The following PABPC4L variants were observed in gnomAD, a reference collection of about 807,000 sequenced individuals.
PABPC4L encodes polyadenylate-binding protein 4-like.
For synonymous variants in PABPC4L, 169 were observed against 164.1 expected, an observed-to-expected ratio of 1.03 and a Z score of -0.23; for missense variants, 452 against 451.4, an observed-to-expected ratio of 1.00 and a Z score of -0.01.
chr4:134,045,721 A>T, the PABPC4L span, among the ~76,000 whole-genome samples: 1 of 151,948 alleles, frequency 6.6e-6, no homozygotes, highest in African/African-American at 2.4e-5. Flanking sequence ...ACTTACTACT[A>T]TCCTCTGTCC....
chr4:134,114,687 C>A, the PABPC4L span, among the ~76,000 whole-genome samples: 2 of 151,710 alleles, frequency 1.3e-5, no homozygotes, highest in African/African-American at 4.8e-5. Context: ...TGGGTTTGGA[C>A]GGGTGAATGT....
chr4:134,040,599 A>G, the PABPC4L span, among the ~76,000 whole-genome samples: 1 of 152,070 alleles, frequency 6.6e-6, no homozygotes, highest in African/African-American at 2.4e-5. Context: ...AAACTTATAC[A>G]TAAGATCTAA....
At chr4:134,121,033 A>G in the PABPC4L span, among the ~76,000 whole-genome samples, 106 of 150,692 alleles carry the variant, frequency 7.0e-4, 4 homozygotes, top group East Asian at 0.018. Context: ...TAATTCTGTA[A>G]ATTTTCTACA....
At chr4:134,170,543 T>G in the PABPC4L span, among the ~76,000 whole-genome samples, 1 of 151,966 alleles carries the variant, frequency 6.6e-6, no homozygotes, top group African/African-American at 2.4e-5. Flanking sequence ...CTCAGGAAAT[T>G]TAAAATCATA....
the PABPC4L span, among the ~76,000 whole-genome samples, chr4:134,012,316 A>G: frequency 6.6e-6 from 1 of 152,106 alleles, no homozygotes; most frequent in South Asian, 2.1e-4. Context: ...CCACCACAAA[A>G]GAAGTGAAAA....
chr4:134,045,471 A>T, the PABPC4L span, among the ~76,000 whole-genome samples: 8 of 152,202 alleles, frequency 5.3e-5, no homozygotes, highest in Non-Finnish European at 8.8e-5. Flanking sequence ...TAAAAGTATG[A>T]GAACTGAAGT....
At chr4:134,076,868 A>C in the PABPC4L span, among the ~76,000 whole-genome samples, 1 of 152,150 alleles carries the variant, frequency 6.6e-6, no homozygotes, top group Non-Finnish European at 1.5e-5. Flanking sequence ...TACATTTTGA[A>C]AGCATGATGT....
At chr4:134,131,466 A>T in the PABPC4L span, among the ~76,000 whole-genome samples, 1 of 152,024 alleles carries the variant, frequency 6.6e-6, no homozygotes, top group African/African-American at 2.4e-5. Flanking sequence ...AAATTAAAAT[A>T]AAATACTTAG....
the PABPC4L span, among the ~76,000 whole-genome samples, chr4:133,960,063 G>A: frequency 2.6e-5 from 4 of 152,110 alleles, no homozygotes; most frequent in South Asian, 2.1e-4. Context: ...CATTGAGGAC[G>A]GGAGGCAGAA....
At chr4:133,955,154 T>C in the PABPC4L span, among the ~76,000 whole-genome samples, 1 of 152,112 alleles carries the variant, frequency 6.6e-6, no homozygotes, top group African/African-American at 2.4e-5. Context: ...TTATGGAACA[T>C]TGTGAAAAAT....
At chr4:133,970,478 T>C in the PABPC4L span, among the ~76,000 whole-genome samples, 1 of 152,172 alleles carries the variant, frequency 6.6e-6, no homozygotes, top group Admixed American at 6.5e-5. Context: ...CAAACTGCCA[T>C]GTTGAAAATT....
chr4:134,140,966 T>G, the PABPC4L span, among the ~76,000 whole-genome samples: 1 of 151,780 alleles, frequency 6.6e-6, no homozygotes, highest in Non-Finnish European at 1.5e-5. Context: ...CTTGATTCTA[T>G]CATAAGTATT....
the PABPC4L span, among the ~76,000 whole-genome samples, chr4:133,986,465 C>T: frequency 1.3e-5 from 2 of 151,430 alleles, no homozygotes; most frequent in Non-Finnish European, 2.9e-5. Context: ...ATTTTTTTCC[C>T]TATTCAGGAC....
the PABPC4L span, among the ~76,000 whole-genome samples, chr4:134,011,416 A>G: frequency 3.1e-4 from 47 of 152,180 alleles, no homozygotes; most frequent in Non-Finnish European, 4.4e-5. Context: ...TATATTCTTG[A>G]AACATTTTGT....
the PABPC4L span, among the ~76,000 whole-genome samples, chr4:134,129,411 A>G: frequency 2.6e-5 from 4 of 152,028 alleles, no homozygotes; most frequent in Non-Finnish European, 5.9e-5. Flanking sequence ...TCCAAGATAG[A>G]CCATATAATA....
At chr4:134,174,590 C>T in the PABPC4L span, among the ~76,000 whole-genome samples, 3 of 152,220 alleles carry the variant, frequency 2.0e-5, no homozygotes, top group East Asian at 5.8e-4. Flanking sequence ...TGTGATATAA[C>T]ACTGATCAAA....
the PABPC4L span, among the ~76,000 whole-genome samples, chr4:134,029,549 T>C: frequency 6.6e-6 from 1 of 152,100 alleles, no homozygotes; most frequent in Admixed American, 6.6e-5. Flanking sequence ...TTAGTAAACA[T>C]TGCTGTTTGC....
chr4:133,957,006 A>G, the PABPC4L span, among the ~76,000 whole-genome samples: 1 of 152,142 alleles, frequency 6.6e-6, no homozygotes, highest in Non-Finnish European at 1.5e-5. Flanking sequence ...GGACACAATC[A>G]AACCATATCA....
chr4:134,194,907 G>C (rs2126195867), downstream of PABPC4L, among the ~76,000 whole-genome samples: 1 of 151,834 alleles, frequency 6.6e-6, no homozygotes, highest in Middle Eastern at 3.4e-3. Context: ...AAGAGTAATG[G>C]AAGGCCATGA....
Sources: gnomAD v4.1 joint callset for allele counts (sites outside exome capture counted in the v4.1 genomes callset) on GRCh38, gnomAD v4.1.1 for gene constraint, MANE v1.5 for transcripts, NCBI Gene and HGNC (gene_info 2026-07-23, HGNC 2026-07-21) for gene names.